The following LIMCH1 variants were observed in gnomAD, a reference collection of about 807,000 sequenced individuals.
The protein encoded by LIMCH1 is LIM and calponin homology domains-containing protein 1.
Under a neutral mutation model 176.5 loss-of-function variants are expected in LIMCH1, and 113 were observed. The observed-to-expected ratio is 0.64, with a 90% CI of 0.55 to 0.75. The LOEUF (loss-of-function observed/expected upper bound fraction) is 0.75. LIMCH1 is among the 30% of genes least tolerant of loss of function. LIMCH1 has a pLI of 0.00. For missense variants in LIMCH1, 1,674 were observed against 1,814.9 expected (o/e 0.92, Z 1.41); for synonymous variants, 619 against 645.9 (o/e 0.96, Z 0.63).
chr4:41,563,961 C>T (rs1411763689), intron 1 of LIMCH1, among the ~76,000 whole-genome samples: 1 of 152,140 alleles, frequency 6.6e-6, no homozygotes, highest in African/African-American at 2.4e-5. Context: ...CATCCTAGAG[C>T]AGGAGGATCC....
intron 1 of LIMCH1, among the ~76,000 whole-genome samples, chr4:41,455,178 GAAGA>G (rs375923760): frequency 9.8e-5 from 15 of 152,304 alleles, no homozygotes; most frequent in Non-Finnish European, 1.5e-4. Flanking sequence ...ATTCTGAAAT[GAAGA>G]AAGGGAGGCT....
intron 1 of LIMCH1, among the ~76,000 whole-genome samples, chr4:41,416,913 C>T (rs776408928): frequency 4.3e-4 from 65 of 152,082 alleles, no homozygotes; most frequent in South Asian, 2.1e-4. Flanking sequence ...CCAGTGTCTC[C>T]GGCAGCTGAG....
intron 7 of LIMCH1, among the ~76,000 whole-genome samples, chr4:41,625,973 C>T (rs2092923540): frequency 6.6e-6 from 1 of 152,014 alleles, no homozygotes; most frequent in Admixed American, 6.5e-5. Flanking sequence ...GCTATGATTG[C>T]ACCACTGCGT....
At chr4:41,413,935 A>G (rs1307235146) in intron 1 of LIMCH1, among the ~76,000 whole-genome samples, 1 of 152,226 alleles carries the variant, frequency 6.6e-6, no homozygotes, top group African/African-American at 2.4e-5. Flanking sequence ...GTGCAGTTTT[A>G]ACGCAGACCT....
At chr4:41,360,273 C>G (rs1580972191), upstream of LIMCH1, among the ~76,000 whole-genome samples, 1 of 152,186 alleles carries the variant, frequency 6.6e-6, no homozygotes, top group Non-Finnish European at 1.5e-5. This position sits in a 1 kb window ranked among gnomAD's most constrained non-coding sequence, Gnocchi z 4.5. Context: ...TTGCCCCTAC[C>G]TCTGCGGCCA....
chr4:41,513,116 AAG>A (rs1199997316), intron 2 of LIMCH1, among the ~76,000 whole-genome samples: 2 of 152,228 alleles, frequency 1.3e-5, no homozygotes, highest in Non-Finnish European at 2.9e-5. Context: ...TCTACTTCAA[AAG>A]AGATATAAAG....
chr4:41,652,472 C>T (rs534701050), intron 18 of LIMCH1, among the ~76,000 whole-genome samples: 3 of 152,178 alleles, frequency 2.0e-5, no homozygotes, highest in African/African-American at 7.2e-5. Context: ...TACGTCTTAC[C>T]TCTGCTAGAG....
chr4:41,615,000 G>A (rs149435539), intron 5 of LIMCH1, among the ~76,000 whole-genome samples: 13 of 152,198 alleles, frequency 8.5e-5, no homozygotes, highest in African/African-American at 2.2e-4. Flanking sequence ...TTTAACCTTG[G>A]GGCCACATAG....
At chr4:41,554,133 C>G (rs1382629580) in intron 1 of LIMCH1, among the ~76,000 whole-genome samples, 6 of 152,154 alleles carry the variant, frequency 3.9e-5, no homozygotes, top group African/African-American at 1.4e-4. Context: ...TTTTTCCATT[C>G]CCTTCTTCTA....
In LIMCH1 at chr4:41,646,679, A is replaced by G. The variant is rs1220673313; in HGVS notation, c.2606A>G (p.Asn869Ser). 1.2e-6 allele frequency: 2 copies of G among 1,614,166 alleles called. No individual in the cohort carries two copies. The highest frequency in any genetic ancestry group is 8.5e-7 in the Non-Finnish European group (1 of 1,180,032). ...TTATCCTCCTTCCTGAATGACCCCAATCCCATGAAATACCTGCGGCAACAG... is the reference window on the plus strand; with the variant it reads ...TTATCCTCCTTCCTGAATGACCCCAGTCCCATGAAATACCTGCGGCAACAG... ...PNLSSFLNDP[N>S]PMKYLRQQSL... Residue 869 changes from asparagine (N) to serine (S), a missense_variant, in exon 17 of 32, where the codon AAT becomes AGT. Asn to Ser is a conservative substitution (Grantham distance 46). Coordinates refer to ENST00000503057, the MANE Select transcript of LIMCH1 (RefSeq NM_001330672.2).
chr4:41,418,285 G>T (rs960455575), intron 1 of LIMCH1, among the ~76,000 whole-genome samples: 3 of 152,178 alleles, frequency 2.0e-5, no homozygotes, highest in Non-Finnish European at 4.4e-5. Context: ...TATAACAAAA[G>T]ACTCTATTCT....
chr4:41,491,579 G>A (rs946296997), intron 1 of LIMCH1, among the ~76,000 whole-genome samples: 6 of 146,770 alleles, frequency 4.1e-5, no homozygotes, highest in Admixed American at 1.4e-4. Flanking sequence ...GACGATGAGC[G>A]GTCAGGCAGA....
intron 1 of LIMCH1, among the ~76,000 whole-genome samples, chr4:41,376,072 A>G (rs1460619958): frequency 6.6e-6 from 1 of 152,224 alleles, no homozygotes; most frequent in Non-Finnish European, 1.5e-5. Context: ...CCTATTCAAC[A>G]TTCAAGTCTC....
intron 14 of LIMCH1, among the ~76,000 whole-genome samples, chr4:41,642,803 T>A (rs1222439952): frequency 6.6e-6 from 1 of 151,294 alleles, no homozygotes. Flanking sequence ...GGTCTTGAAT[T>A]CCTGACCTCA....
At chr4:41,565,165 G>C (rs972622172) in intron 1 of LIMCH1, among the ~76,000 whole-genome samples, 2 of 152,078 alleles carry the variant, frequency 1.3e-5, no homozygotes, top group African/African-American at 4.8e-5. Flanking sequence ...CTGCTGTTTT[G>C]CCAGTGCCTA....
chr4:41,400,576 G>T (rs1561247658), intron 1 of LIMCH1, among the ~76,000 whole-genome samples: 1 of 152,142 alleles, frequency 6.6e-6, no homozygotes. Context: ...GAGCCCTAAT[G>T]CAGTTTCTTT....
rs534899348 is a variant in LIMCH1 at position 41,657,083 on chromosome 4, C to T, written c.3037-4337C>T. ...CCCACCTGAGGCCCCAGGGCTGAGT[C>T]TGGCACCCGGGCAGTTTGGATCGCA... On this transcript the variant is annotated intron_variant, in intron 18 of 31. Transcript: ENST00000503057. Among the ~76,000 whole-genome samples, 12 of 152,362 alleles carry T rather than the reference C, an allele frequency of 7.9e-5. No homozygotes were observed. In the South Asian group the frequency reaches 2.3e-3, roughly 29 times the overall value.
intron 1 of LIMCH1, among the ~76,000 whole-genome samples, chr4:41,590,069 G>A (rs2087225921): frequency 6.6e-6 from 1 of 151,736 alleles, no homozygotes; most frequent in Admixed American, 6.6e-5. Context: ...AGCTCTCCCT[G>A]GGATCTTTTA....
At chr4:41,548,170 C>T (rs2079865672) in intron 1 of LIMCH1, among the ~76,000 whole-genome samples, 1 of 151,870 alleles carries the variant, frequency 6.6e-6, no homozygotes, top group Non-Finnish European at 1.5e-5. Context: ...TCCTGTTTAT[C>T]TCTACCCTTT....
Sources: gnomAD v4.1 joint callset for allele counts (sites outside exome capture counted in the v4.1 genomes callset) on GRCh38, gnomAD v4.1.1 for gene constraint, Gnocchi (gnomAD v3.1) non-coding constraint, MANE v1.5 for transcripts, NCBI Gene and HGNC (gene_info 2026-07-23, HGNC 2026-07-21) for gene names.